Variants in OAT observed in about 807,000 individuals in gnomAD.
OAT encodes the protein ornithine aminotransferase, mitochondrial.
OAT carries 35 observed loss-of-function variants against 48.4 expected under a neutral mutation model. The observed-to-expected ratio is 0.72, with a 90% CI of 0.55 to 0.96. The LOEUF (loss-of-function observed/expected upper bound fraction) is 0.96, where lower values mean the gene tolerates loss of function less well. OAT is among the 40% of genes least tolerant of loss of function. The pLI is 0.00. For missense variants in OAT, 438 were observed against 537.9 expected, an observed-to-expected ratio of 0.81 and a Z score of 1.84; for synonymous variants, 182 against 198.4, an observed-to-expected ratio of 0.92 and a Z score of 0.70.
chr10:124,401,032 G>GT (rs780157893), intron 8 of OAT, 48 bp from the exon 9 acceptor site: 86 of 1,442,412 alleles, frequency 6.0e-5, no homozygotes, highest in Admixed American at 3.3e-4. Flanking sequence ...TCCTTTTTTT[G>GT]TTTTTTGGAG....
rs1951548201 is a variant in OAT, at chr10:124,405,476, C to G, written c.608G>C (p.Gly203Ala). 2 of 1,614,100 alleles carry G rather than the reference C, an allele frequency of 1.2e-6. No individual in the cohort carries two copies. The highest frequency in any genetic ancestry group is 1.1e-5 in the South Asian group (1 of 91,078). Residue 203 changes from glycine to alanine, a missense_variant, in exon 5 of 10, where the codon GGA (glycine) becomes GCA (alanine). Physicochemically the swap from Gly to Ala is moderately conservative, Grantham distance 60. Transcript: ENST00000368845. ...ATCATTATAGGGAATGATGTCGAAT[C>G]CCGGCATAAATGGTCCAAAACCATC... ...SYDGFGPFMP[G>A]FDIIPYNDLP...
chr10:124,413,155 T>C (rs1176669234), intron 1 of OAT, among the ~76,000 whole-genome samples: 2 of 152,128 alleles, frequency 1.3e-5, no homozygotes, highest in Non-Finnish European at 2.9e-5. Context: ...AAATTTATCA[T>C]AAACAAAGGT....
intron 6 of OAT, 100 bp from the exon 7 acceptor site, chr10:124,403,155 T>C (rs1951464410): frequency 2.3e-6 from 3 of 1,315,860 alleles, no homozygotes; most frequent in Non-Finnish European, 3.3e-6. Context: ...AATAAATGTG[T>C]AATTCTGATG....
In OAT at chr10:124,397,557, C is replaced by A; in HGVS notation, c.*385G>T. 5.6e-6 allele frequency: 1 copy of A among 178,562 alleles called. No homozygotes were observed. The highest frequency in any genetic ancestry group is 1.2e-5 in the Non-Finnish European group (1 of 83,714). 11.1% of individuals were successfully genotyped at this position (178,562 alleles called of 1,614,324 possible). ...AATGATTTCACTTTATAAGATGAAG[C>A]CTTTTATGCAATACCCAGAGATAAC... On this transcript the variant is annotated 3_prime_UTR_variant, in exon 10 of 10. Transcript: ENST00000368845.
At chr10:124,403,662 C>G in intron 6 of OAT, 136 bp downstream of exon 6, 1 of 1,258,830 alleles carries the variant, frequency 7.9e-7, no homozygotes, top group Non-Finnish European at 1.1e-6. Context: ...CCATCGCCCT[C>G]TAGTGGAAAG....
Position 124,405,968 on chromosome 10 carries a change from T to C in OAT, c.521-405A>G, listed in dbSNP as rs963344514. ...AGAAAGAATATCCTTCATAGACAAT[T>C]AGCGGTTTTCCTTTCAAAACTCCAA... On this transcript the variant is annotated intron_variant, in intron 4 of 9. Coordinates refer to ENST00000368845, the MANE Select transcript of OAT (RefSeq NM_000274.4). 21 of 1,100,664 alleles carry C rather than the reference T, an allele frequency of 1.9e-5. No individual in the cohort carries two copies. In the African/African-American group the frequency reaches 3.3e-4, roughly 17 times the overall value. 68.2% of individuals were successfully genotyped at this position (1,100,664 alleles called of 1,614,324 possible).
intron 4 of OAT, among the ~76,000 whole-genome samples, 198 bp downstream of exon 4, chr10:124,408,335 ATATATATAT>A (rs1162825293): frequency 3.3e-4 from 34 of 102,762 alleles, no homozygotes; most frequent in Admixed American, 1.9e-3. Flanking sequence ...ATATATATAT[ATATATATAT>A]TTTTTTTTTT....
At chr10:124,400,486 G>A (rs942482105) in intron 9 of OAT, among the ~76,000 whole-genome samples, 4 of 151,414 alleles carry the variant, frequency 2.6e-5, no homozygotes, top group African/African-American at 9.7e-5. Flanking sequence ...GGGCGCGGTG[G>A]GCTCACGCCT....
At chr10:124,406,076 C>T (rs967502525) in intron 4 of OAT, 4 of 1,028,776 alleles carry the variant, frequency 3.9e-6, no homozygotes, top group Non-Finnish European at 4.7e-6. Flanking sequence ...TTCCATTTTA[C>T]CTTCCTTGAT....
chr10:124,406,183 G>C, intron 4 of OAT: 1 of 906,776 alleles, frequency 1.1e-6, no homozygotes, highest in Non-Finnish European at 1.3e-6. Context: ...TACTATGTCA[G>C]GCATTGTTTT....
At chr10:124,403,180 TAA>T in intron 6 of OAT, 125 bp from the exon 7 acceptor site, 1 of 1,053,824 alleles carries the variant, frequency 9.5e-7, no homozygotes, top group Non-Finnish European at 1.5e-6. Context: ...CTCAAATTTG[TAA>T]AAATGTTTTA....
At position 124,408,333 on chromosome 10, in the gene OAT, ATATATATATATTTTT is replaced by A. The variant is rs1156895296; in HGVS notation, c.520+194_520+208del. ...TGTGTGTGTGTATATATATATATAT[ATATATATATATTTTT>A]TTTTTTTTTTTTTAAATAGAGACAG... is the stretch of plus-strand genomic sequence containing the variant. On this transcript the variant is annotated intron_variant, in intron 4 of 9. Transcript: ENST00000368845. 7.4e-5 allele frequency among the ~76,000 whole-genome samples: 7 copies of A among 94,484 alleles called. No homozygotes were observed. The East Asian group carries it at 8.7e-4, about 12-fold the overall frequency. The allele number at this position is 94,484 out of a possible 152,430, so 62.0% of individuals were successfully genotyped here.
rs1951269668 is a variant in OAT at position 124,397,673 on chromosome 10, T to C, written c.*269A>G. On this transcript the variant is annotated 3_prime_UTR_variant, in exon 10 of 10. Transcript: ENST00000368845. Reference sequence around the variant, plus strand: ...GGACTTGATTTAGAGGCTGTCTGTATATAGATGCATTTCACCTTAGGAAGT... The same window carrying C: ...GGACTTGATTTAGAGGCTGTCTGTACATAGATGCATTTCACCTTAGGAAGT... The C allele has an allele frequency of 4.7e-6, 2 of 425,534 alleles. No homozygotes were observed. Among genetic ancestry groups the C allele is most frequent in the African/African-American group, 4.0e-5 (2 of 49,790 alleles). 26.4% of individuals were successfully genotyped at this position (425,534 alleles called of 1,614,324 possible). A position where few individuals can be genotyped will look rare whatever the true frequency, so the allele number is the denominator to read the frequency against.
At chr10:124,413,985 T>C (rs1322979678) in intron 1 of OAT, 1 of 129,566 alleles carries the variant, frequency 7.7e-6, no homozygotes, top group Non-Finnish European at 1.6e-5. Context: ...AAGAAACTAA[T>C]AATTAAAAGG....
chr10:124,402,617 T>C (rs1951443057), intron 7 of OAT, among the ~76,000 whole-genome samples: 1 of 152,218 alleles, frequency 6.6e-6, no homozygotes, highest in African/African-American at 2.4e-5. Flanking sequence ...CAATTAGTAA[T>C]ATGCCATGTT....
chr10:124,407,014 T>C (rs1951600249), intron 4 of OAT: 5 of 985,406 alleles, frequency 5.1e-6, no homozygotes, highest in Middle Eastern at 5.2e-4. Context: ...ATCATGTTTT[T>C]ATCTTCTCAC....
intron 8 of OAT, among the ~76,000 whole-genome samples, 189 bp from the exon 9 acceptor site, chr10:124,401,173 C>T (rs1243841715): frequency 6.6e-6 from 1 of 152,236 alleles, no homozygotes; most frequent in Non-Finnish European, 1.5e-5. Context: ...GTCTTGCTTT[C>T]ATCACAAATC....
chr10:124,407,379 T>C (rs948301520), intron 4 of OAT: 1 of 984,804 alleles, frequency 1.0e-6, no homozygotes, highest in African/African-American at 1.7e-5. Flanking sequence ...GAAAACATCT[T>C]TGCACCCTTT....
intron 4 of OAT, among the ~76,000 whole-genome samples, chr10:124,406,738 C>A (rs1216712865): frequency 6.6e-6 from 1 of 151,060 alleles, no homozygotes; most frequent in Non-Finnish European, 1.5e-5. Flanking sequence ...ATCACTTGAA[C>A]CCTGGAGGCA....
Sources: gnomAD v4.1 joint callset for allele counts (sites outside exome capture counted in the v4.1 genomes callset) on GRCh38, gnomAD v4.1.1 for gene constraint, MANE v1.5 for transcripts, NCBI Gene and HGNC (gene_info 2026-07-23, HGNC 2026-07-21) for gene names.